MDN1: variants seen among roughly 807,000 people sequenced by gnomAD.
MDN1 encodes the protein midasin.
MDN1 carries 266 observed loss-of-function variants against 669.2 expected under a neutral mutation model. The ratio of observed to expected loss-of-function variants is 0.40; its 90% CI spans 0.36 to 0.44. MDN1 has a LOEUF of 0.44. Ranked by LOEUF, MDN1 falls within the 20% of genes least tolerant of loss-of-function variation. The probability of loss-of-function intolerance (pLI) is 1.00; values close to 1 mark genes in which losing one functional copy is unlikely to be tolerated. For missense variants in MDN1, 5,940 were observed against 6,754.0 expected, an observed-to-expected ratio of 0.88 and a Z score of 4.22; for synonymous variants, 2,385 against 2,457.1, an observed-to-expected ratio of 0.97 and a Z score of 0.87.
chr6:89,727,982 A>T (rs1815345740), intron 36 of MDN1, 27 bp from the exon 37 acceptor site: 18 of 1,584,458 alleles, frequency 1.1e-5, no homozygotes, highest in Admixed American at 1.9e-5. Context: ...AATGGAAAGA[A>T]GCCATTATTA....
At chr6:89,729,924 G>A (rs986845326) in intron 35 of MDN1, among the ~76,000 whole-genome samples, 1 of 151,982 alleles carries the variant, frequency 6.6e-6, no homozygotes, top group African/African-American at 2.4e-5. Context: ...TGAGGACAGG[G>A]GCAAGGGCAA....
At position 89,803,496 on chromosome 6, in the gene MDN1, T is replaced by A. The variant is rs774427132; in HGVS notation, c.161A>T (p.Asp54Val). ...VLSTLAQLLL[D>V]KDCTVLVGRQ... Reference sequence around the variant, plus strand: ...ACCAACCAGCACAGTACAGTCCTTATCCAAAAGCAACTGTGCTAAGGTACT... The same window carrying A: ...ACCAACCAGCACAGTACAGTCCTTAACCAAAAGCAACTGTGCTAAGGTACT... Residue 54 changes from aspartate (D) to valine (V), a missense_variant, in exon 2 of 102, where the codon GAT (aspartate) becomes GTT (valine). By Grantham distance (152) the Asp-to-Val change is radical (BLOSUM62 -3). Coordinates refer to ENST00000369393, the MANE Select transcript of MDN1 (RefSeq NM_014611.3). The A allele has an allele frequency of 2.5e-6, 4 of 1,613,760 alleles. No individual in the cohort carries two copies. The East Asian group carries it at 8.9e-5, about 36-fold the overall frequency.
rs111944113 is a variant in MDN1, at chr6:89,680,712, C to T, written c.12142G>A (p.Gly4048Ser). The T allele has an allele frequency of 1.3e-4, 212 of 1,614,130 alleles. 1 individual carries two copies. The highest frequency in any genetic ancestry group is 6.1e-4 in the African/African-American group (46 of 75,026). Residue 4048 changes from glycine to serine, a missense_variant, in exon 74 of 102, where the codon GGC (glycine) becomes AGC (serine). By Grantham distance (56) the Gly-to-Ser change is moderately conservative (BLOSUM62 0). This residue lies in a region of MDN1 where 2,280 missense variants were observed against 2,576.3 expected (regional missense o/e 0.88). Coordinates refer to ENST00000369393, the MANE Select transcript of MDN1 (RefSeq NM_014611.3). ...CGACGCAGAAGCTCCCCTTCCAAGC[C>T]GGAAGGAGCAGCGCCCTGACACCAC... ...PEWCQGAAPS[G>S]LEGELLRRLP...
intron 55 of MDN1, 102 bp from the exon 56 acceptor site, chr6:89,700,958 G>T: frequency 9.9e-7 from 1 of 1,005,558 alleles, no homozygotes; most frequent in Non-Finnish European, 1.4e-6. Context: ...TATTCTTAAT[G>T]TTTCCAGAAA....
At chr6:89,732,308 CT>C (rs1316235184) in intron 34 of MDN1, among the ~76,000 whole-genome samples, 1 of 150,802 alleles carries the variant, frequency 6.6e-6, no homozygotes, top group Non-Finnish European at 1.5e-5. Flanking sequence ...TTTCAGCAGT[CT>C]TTACTCTACT....
intron 40 of MDN1, 143 bp downstream of exon 40, chr6:89,722,812 C>T: frequency 2.7e-6 from 2 of 735,256 alleles, no homozygotes; most frequent in Non-Finnish European, 4.3e-6. Context: ...TGCCATTGCA[C>T]TCCAGCCTGG....
chr6:89,716,821 C>T lies in MDN1; in HGVS notation c.6584-12G>A. ...AAGTTTGGCAAACTCTGAAATGTCA[C>T]AGGGAAGAATCACCATCCACAGCAC... On this transcript the variant is annotated splice_polypyrimidine_tract_variant and intron_variant, in intron 43 of 101. Transcript: ENST00000369393. The T allele has an allele frequency of 6.3e-7, 1 of 1,594,712 alleles. No homozygotes were observed. Among genetic ancestry groups the T allele is most frequent in the Non-Finnish European group, 8.5e-7 (1 of 1,171,164 alleles).
At position 89,693,023 on chromosome 6, in the gene MDN1, C is replaced by G; in HGVS notation, c.10007G>C (p.Ser3336Thr). ...CTGAACAGCAGGGGCCTTGGCGATG[C>G]TGGTGACGTAGTGGTGGATCTCCTG... ...LVQEIHHYVT[S>T]IAKAPAVQDL... is the part of the protein sequence containing the mutation. The change falls in exon 63 of 102, where the codon AGC (serine) becomes ACC (threonine). Residue 3336 changes from serine to threonine, a missense_variant. By Grantham distance (58) the Ser-to-Thr change is moderately conservative (BLOSUM62 1). Around this residue, in one of 5 missense-constraint regions of MDN1, gnomAD observed 150 missense variants for 234.2 expected, o/e 0.64. Transcript: ENST00000369393. 1 of 1,614,204 alleles carries G rather than the reference C, an allele frequency of 6.2e-7. No homozygotes were observed. The highest frequency in any genetic ancestry group is 8.5e-7 in the Non-Finnish European group (1 of 1,180,040).
intron 39 of MDN1, 56 bp from the exon 40 acceptor site, chr6:89,723,199 A>G: frequency 6.6e-7 from 1 of 1,508,724 alleles, no homozygotes; most frequent in South Asian, 1.2e-5. Flanking sequence ...TAGGCACTGC[A>G]TTAAGTACTA....
intron 43 of MDN1, among the ~76,000 whole-genome samples, chr6:89,718,042 T>A (rs962657953): frequency 6.6e-6 from 1 of 152,208 alleles, no homozygotes; most frequent in Non-Finnish European, 1.5e-5. Flanking sequence ...AGTTTAAAAA[T>A]GCTCAATTTC....
At chr6:89,696,623 C>T in intron 59 of MDN1, 49 bp from the exon 60 acceptor site, 4 of 1,451,882 alleles carry the variant, frequency 2.8e-6, no homozygotes, top group Non-Finnish European at 3.9e-6. Flanking sequence ...AAGACAATTT[C>T]CAGAAGCAGC....
intron 2 of MDN1, among the ~76,000 whole-genome samples, chr6:89,798,700 C>T (rs1819744894): frequency 6.6e-6 from 1 of 152,176 alleles, no homozygotes; most frequent in Non-Finnish European, 1.5e-5. Context: ...CTAAAAACCA[C>T]TGAACTGTAC....
In MDN1 at chr6:89,676,021, A is replaced by G. The variant is rs1438951188; in HGVS notation, c.12645+81T>C. On this transcript the variant is annotated intron_variant, in intron 77 of 101. Coordinates refer to ENST00000369393, the MANE Select transcript of MDN1 (RefSeq NM_014611.3). Reference sequence around the variant, plus strand: ...ACTAACAGGCTGTTATCACTTAACAAGGTCTGAGAATACAGCCCTGGGATG... The same window carrying G: ...ACTAACAGGCTGTTATCACTTAACAGGGTCTGAGAATACAGCCCTGGGATG... 19 of 1,252,344 alleles carry G rather than the reference A, an allele frequency of 1.5e-5. No homozygotes were observed. In the South Asian group the frequency reaches 1.8e-4, roughly 12 times the overall value. The allele number at this position is 1,252,344 out of a possible 1,614,324, so 77.6% of individuals were successfully genotyped here.
rs758633573 is a variant in MDN1, at chr6:89,762,437, A to G, written c.2238T>C (p.Phe746=). 6 of 1,614,138 alleles carry G rather than the reference A, an allele frequency of 3.7e-6. No individual in the cohort carries two copies. Among genetic ancestry groups the G allele is most frequent in the South Asian group, 3.3e-5 (3 of 91,088 alleles). ...AGGTCTGAATGTGCCCCAAGAACGT[A>G]AAGTTTTGTTTCTTGGAAAATGTCT... ...FAQTFSKKQN[F]TFLGHIQTCY... The change falls in exon 16 of 102, where the codon TTT becomes TTC. Residue 746 remains phenylalanine (F), a synonymous_variant. Transcript: ENST00000369393.
At chr6:89,661,314 G>T in intron 88 of MDN1, 117 bp downstream of exon 88, 1 of 1,167,192 alleles carries the variant, frequency 8.6e-7, no homozygotes, top group Non-Finnish European at 1.2e-6. Flanking sequence ...CTGGGATTGA[G>T]CCTACCAAAC....
intron 64 of MDN1, 134 bp downstream of exon 64, chr6:89,690,539 T>C (rs79301353): frequency 0.039 from 45,128 of 1,150,690 alleles, 1,297 homozygotes; most frequent in South Asian, 0.13. Context: ...GCCTGGGTGA[T>C]AGAGCAAGAC....
intron 43 of MDN1, 102 bp downstream of exon 43, chr6:89,718,264 T>C: frequency 7.8e-7 from 1 of 1,279,900 alleles, no homozygotes; most frequent in Non-Finnish European, 1.1e-6. Flanking sequence ...TGATTGTTAA[T>C]AATTACTAAA....
intron 30 of MDN1, 79 bp from the exon 31 acceptor site, chr6:89,743,359 A>C (rs987696559): frequency 2.6e-6 from 4 of 1,559,082 alleles, no homozygotes; most frequent in Non-Finnish European, 3.5e-6. Flanking sequence ...TGGTGTTTCC[A>C]GGGGTGAAGT....
intron 78 of MDN1, 56 bp from the exon 79 acceptor site, chr6:89,674,645 C>G (rs1811061478): frequency 1.3e-6 from 2 of 1,490,588 alleles, no homozygotes; most frequent in Middle Eastern, 5.0e-4. Context: ...AACCACTTTA[C>G]CACATTGTTT....
Sources: allele counts gnomAD v4.1 joint callset (sites outside exome capture counted in the v4.1 genomes callset), GRCh38; gene constraint gnomAD v4.1.1; regional missense constraint gnomAD v4.1.1; transcripts MANE v1.5; gene names NCBI Gene and HGNC (gene_info 2026-07-23, HGNC 2026-07-21).